Variants in ITGBL1 observed in about 807,000 individuals in gnomAD.
ITGBL1 encodes integrin subunit beta like 1.
A neutral mutation model predicts 68.5 loss-of-function variants in ITGBL1; 51 were observed. The observed-to-expected ratio is 0.74, with a 90% CI of 0.59 to 0.94. The LOEUF is 0.94. Among genes scored for constraint, ITGBL1 ranks in the 40% least tolerant of loss-of-function variants. ITGBL1 has a pLI of 0.00. For missense variants in ITGBL1, 649 were observed against 647.4 expected, an observed-to-expected ratio of 1.00 and a Z score of -0.03; for synonymous variants, 209 against 227.3, an observed-to-expected ratio of 0.92 and a Z score of 0.72.
chr13:101,611,428 A>G (rs2031122081), intron 7 of ITGBL1, among the ~76,000 whole-genome samples: 1 of 152,132 alleles, frequency 6.6e-6, no homozygotes. Flanking sequence ...CAAATCCAAA[A>G]TTGTTTTATT....
intron 9 of ITGBL1, among the ~76,000 whole-genome samples, chr13:101,710,008 G>A (rs1339236112): frequency 6.6e-6 from 1 of 152,192 alleles, no homozygotes; most frequent in Non-Finnish European, 1.5e-5. Context: ...AAAATAGGTT[G>A]ACTAAATATT....
intron 2 of ITGBL1, among the ~76,000 whole-genome samples, chr13:101,529,761 C>T (rs1199473717): frequency 6.6e-6 from 1 of 152,076 alleles, no homozygotes; most frequent in Admixed American, 6.6e-5. Context: ...TTTCTCCTGC[C>T]GCCATAAAAG....
chr13:101,534,154 C>T (rs1594871752), intron 2 of ITGBL1, among the ~76,000 whole-genome samples: 1 of 152,048 alleles, frequency 6.6e-6, no homozygotes, highest in African/African-American at 2.4e-5. Flanking sequence ...ATGTCATTGT[C>T]AACGTTGAAA....
intron 2 of ITGBL1, among the ~76,000 whole-genome samples, chr13:101,509,002 AAAAGT>A (rs1307590334): frequency 6.6e-6 from 1 of 152,190 alleles, no homozygotes; most frequent in African/African-American, 2.4e-5. Flanking sequence ...AAAAGAAAAG[AAAAGT>A]AAAGCTTTCA....
chr13:101,454,030 C>G lies in ITGBL1; in HGVS notation c.246C>G (p.Gly82=). 1 of 1,590,194 alleles carries G rather than the reference C, an allele frequency of 6.3e-7. No individual in the cohort carries two copies. Among genetic ancestry groups the G allele is most frequent in the Non-Finnish European group, 8.6e-7 (1 of 1,168,892 alleles). Residue 82 remains glycine, a synonymous_variant, in exon 2 of 11, where the codon GGC becomes GGG. Coordinates refer to ENST00000376180, the MANE Select transcript of ITGBL1 (RefSeq NM_004791.3). ...GVCICHVTEP[G]MFFGPLCECH... Reference sequence around the variant, plus strand: ...GCATCTGCCACGTGACTGAGCCGGGCATGTTCTTCGGGCCCCTGTGTGAGT... The same window carrying G: ...GCATCTGCCACGTGACTGAGCCGGGGATGTTCTTCGGGCCCCTGTGTGAGT...
At chr13:101,694,493 A>T (rs1358331167) in intron 8 of ITGBL1, among the ~76,000 whole-genome samples, 1 of 151,846 alleles carries the variant, frequency 6.6e-6, no homozygotes, top group Non-Finnish European at 1.5e-5. Flanking sequence ...GTAGAAGCAG[A>T]GCTCACTGAA....
intron 7 of ITGBL1, among the ~76,000 whole-genome samples, chr13:101,656,537 A>T (rs975810148): frequency 6.6e-6 from 1 of 152,218 alleles, no homozygotes; most frequent in Admixed American, 6.5e-5. Flanking sequence ...TTTGTAGGGC[A>T]TGACTTTCTA....
chr13:101,580,212 T>C (rs2050432113), intron 5 of ITGBL1, among the ~76,000 whole-genome samples: 1 of 152,124 alleles, frequency 6.6e-6, no homozygotes. Context: ...GCTGGAAAAC[T>C]TTTTTTCATT....
intron 7 of ITGBL1, among the ~76,000 whole-genome samples, chr13:101,692,175 T>G (rs938590862): frequency 4.1e-4 from 62 of 152,150 alleles, no homozygotes; most frequent in African/African-American, 1.3e-3. Flanking sequence ...ATGGAGCAGA[T>G]AGACCCAAGA....
At chr13:101,653,830 A>C (rs763467093) in intron 7 of ITGBL1, among the ~76,000 whole-genome samples, 4 of 150,008 alleles carry the variant, frequency 2.7e-5, no homozygotes, top group Non-Finnish European at 5.9e-5. Flanking sequence ...CTGGGACTAC[A>C]GGTGCGCACC....
At chr13:101,503,287 C>T (rs2048973523) in intron 2 of ITGBL1, among the ~76,000 whole-genome samples, 1 of 152,092 alleles carries the variant, frequency 6.6e-6, no homozygotes, top group African/African-American at 2.4e-5. Flanking sequence ...TGTTTGTACT[C>T]AGGGTCAGGG....
intron 7 of ITGBL1, among the ~76,000 whole-genome samples, chr13:101,602,962 A>T (rs1223754108): frequency 6.6e-6 from 1 of 151,986 alleles, no homozygotes; most frequent in Non-Finnish European, 1.5e-5. Flanking sequence ...ACCGTTATTT[A>T]ACCCTTCATC....
At chr13:101,615,565 G>A (rs2031315319) in intron 7 of ITGBL1, among the ~76,000 whole-genome samples, 1 of 152,082 alleles carries the variant, frequency 6.6e-6, no homozygotes. Flanking sequence ...GATATTAGAA[G>A]GTGGGGTCTT....
chr13:101,480,172 A>G (rs911730361), intron 2 of ITGBL1, among the ~76,000 whole-genome samples: 1 of 152,050 alleles, frequency 6.6e-6, no homozygotes, highest in South Asian at 2.1e-4. Flanking sequence ...TTGAAACAAC[A>G]TGGATGGAAC....
At chr13:101,674,687 A>G (rs911685943) in intron 7 of ITGBL1, among the ~76,000 whole-genome samples, 7 of 152,026 alleles carry the variant, frequency 4.6e-5, no homozygotes, top group African/African-American at 1.7e-4. Flanking sequence ...ATCTACTTAT[A>G]TAAATTTTTT....
At chr13:101,646,807 A>G (rs2032573859) in intron 7 of ITGBL1, among the ~76,000 whole-genome samples, 1 of 152,192 alleles carries the variant, frequency 6.6e-6, no homozygotes, top group Non-Finnish European at 1.5e-5. Context: ...TTCAAAGGAC[A>G]GTGAAAGACA....
At chr13:101,564,772 TTA>T (rs1265473757) in intron 2 of ITGBL1, among the ~76,000 whole-genome samples, 1 of 151,100 alleles carries the variant, frequency 6.6e-6, no homozygotes, top group East Asian at 1.9e-4. Flanking sequence ...GTATATGTAA[TTA>T]TATATGTTAT....
intron 7 of ITGBL1, among the ~76,000 whole-genome samples, chr13:101,632,093 G>A (rs1167831983): frequency 1.3e-5 from 2 of 151,420 alleles, no homozygotes; most frequent in African/African-American, 4.9e-5. Context: ...CACACTCTTA[G>A]GAGAATGAAA....
chr13:101,572,902 A>G (rs2050296569), intron 3 of ITGBL1, among the ~76,000 whole-genome samples: 1 of 152,090 alleles, frequency 6.6e-6, no homozygotes, highest in African/African-American at 2.4e-5. Flanking sequence ...CCCATATTAT[A>G]TATGGTTACA....
Sources: allele counts gnomAD v4.1 joint callset (sites outside exome capture counted in the v4.1 genomes callset), GRCh38; gene constraint gnomAD v4.1.1; transcripts MANE v1.5; gene names NCBI Gene and HGNC (gene_info 2026-07-23, HGNC 2026-07-21).